The following SPOCK3 variants were observed in gnomAD, a reference collection of about 807,000 sequenced individuals.
The protein encoded by SPOCK3 is testican-3.
SPOCK3 carries 30 observed loss-of-function variants against 56.6 expected under a neutral mutation model. That is an observed-to-expected ratio of 0.53 (90% CI 0.40 to 0.72). SPOCK3 has a LOEUF of 0.72. Among genes scored for constraint, SPOCK3 ranks in the 30% least tolerant of loss-of-function variants. SPOCK3 has a pLI of 0.00. For missense variants in SPOCK3, 527 were observed against 530.0 expected, an observed-to-expected ratio of 0.99 and a Z score of 0.06; for synonymous variants, 196 against 183.3, an observed-to-expected ratio of 1.07 and a Z score of -0.56.
At chr4:167,178,618 CA>C (rs1433791956) in intron 2 of SPOCK3, among the ~76,000 whole-genome samples, 1 of 152,030 alleles carries the variant, frequency 6.6e-6, no homozygotes, top group Non-Finnish European at 1.5e-5. Context: ...ATCCTATAGA[CA>C]TTTTTAACAT....
intron 6 of SPOCK3, among the ~76,000 whole-genome samples, chr4:166,869,049 T>C (rs950350451): frequency 6.6e-6 from 1 of 152,124 alleles, no homozygotes; most frequent in Non-Finnish European, 1.5e-5. Flanking sequence ...GTTGGTGTTT[T>C]CATTAATTAT....
intron 2 of SPOCK3, among the ~76,000 whole-genome samples, chr4:167,209,406 TA>T (rs1249282470): frequency 6.6e-6 from 1 of 152,120 alleles, no homozygotes; most frequent in African/African-American, 2.4e-5. Context: ...AAATTTTAAA[TA>T]AAAATGATAT....
intron 2 of SPOCK3, among the ~76,000 whole-genome samples, chr4:167,202,405 T>C (rs1237061238): frequency 6.6e-6 from 1 of 151,952 alleles, no homozygotes; most frequent in African/African-American, 2.4e-5. Context: ...ACATGACAGT[T>C]TATGCAAAGT....
intron 6 of SPOCK3, among the ~76,000 whole-genome samples, chr4:166,816,884 G>A (rs1015621): frequency 0.058 from 8,889 of 152,012 alleles, 799 homozygotes; most frequent in African/African-American, 0.2. Flanking sequence ...CAGTGCAATG[G>A]GAGGGGTTTG....
At chr4:166,876,954 G>A (rs1395475307) in intron 6 of SPOCK3, among the ~76,000 whole-genome samples, 1 of 151,874 alleles carries the variant, frequency 6.6e-6, no homozygotes, top group Non-Finnish European at 1.5e-5. Context: ...GGGAAGTTTG[G>A]GGTAGAGAAA....
intron 7 of SPOCK3, among the ~76,000 whole-genome samples, chr4:166,772,140 G>C (rs912900365): frequency 2.0e-5 from 3 of 151,912 alleles, no homozygotes; most frequent in Non-Finnish European, 4.4e-5. Context: ...GCTATATAAG[G>C]AAAGTTAAAC....
At chr4:166,959,344 G>T (rs1171847671) in intron 4 of SPOCK3, among the ~76,000 whole-genome samples, 3 of 152,162 alleles carry the variant, frequency 2.0e-5, no homozygotes, top group Non-Finnish European at 2.9e-5. Context: ...GCCAGGCGTG[G>T]TGGCTCATGC....
At chr4:166,735,926 T>C (rs533166926) in intron 10 of SPOCK3, among the ~76,000 whole-genome samples, 1 of 134,178 alleles carries the variant, frequency 7.5e-6, no homozygotes, top group East Asian at 2.2e-4. Context: ...TTACAAAATA[T>C]TTTAAAAATA....
At chr4:167,055,657 A>T (rs1343725744) in intron 3 of SPOCK3, among the ~76,000 whole-genome samples, 1 of 152,198 alleles carries the variant, frequency 6.6e-6, no homozygotes, top group Non-Finnish European at 1.5e-5. Context: ...TATATCCCGC[A>T]CCTGGCTCAG....
chr4:167,142,049 T>A (rs1030164728), intron 2 of SPOCK3, among the ~76,000 whole-genome samples: 2 of 151,912 alleles, frequency 1.3e-5, no homozygotes, highest in Admixed American at 1.3e-4. Context: ...CAATTTAGAG[T>A]TTTTTACCCT....
intron 2 of SPOCK3, among the ~76,000 whole-genome samples, chr4:167,137,929 T>A (rs1412597457): frequency 6.6e-6 from 1 of 151,862 alleles, no homozygotes; most frequent in Non-Finnish European, 1.5e-5. Context: ...CCTTCTCTAT[T>A]AGGAGTAATA....
intron 7 of SPOCK3, among the ~76,000 whole-genome samples, chr4:166,789,982 T>C (rs1471878846): frequency 6.6e-6 from 1 of 152,182 alleles, no homozygotes; most frequent in East Asian, 1.9e-4. Context: ...ACTACAGTAA[T>C]AACTGTCATG....
At chr4:166,948,438 A>T (rs10005146) in intron 4 of SPOCK3, among the ~76,000 whole-genome samples, 7,833 of 152,180 alleles carry the variant, frequency 0.051, 658 homozygotes, top group African/African-American at 0.18. Flanking sequence ...GAATCTCCAC[A>T]CTATTTTTCC....
At chr4:167,079,079 A>C (rs528088475) in intron 2 of SPOCK3, among the ~76,000 whole-genome samples, 2 of 152,076 alleles carry the variant, frequency 1.3e-5, no homozygotes, top group South Asian at 2.1e-4. Flanking sequence ...CAAATGAAAA[A>C]AAAAAAGTCT....
chr4:166,989,178 T>A (rs923040027), intron 4 of SPOCK3, among the ~76,000 whole-genome samples: 1 of 152,078 alleles, frequency 6.6e-6, no homozygotes, highest in African/African-American at 2.4e-5. Context: ...GCTAACACAG[T>A]TAGTTGCCTG....
intron 4 of SPOCK3, among the ~76,000 whole-genome samples, chr4:166,949,454 T>C (rs1160317132): frequency 1.3e-5 from 2 of 152,150 alleles, no homozygotes; most frequent in African/African-American, 2.4e-5. Flanking sequence ...CTCTGTTTTT[T>C]CCCCATCTTT....
chr4:166,993,647 C>T lies in SPOCK3; in HGVS notation c.350+6702G>A, dbSNP rs545691537. 2.0e-4 allele frequency among the ~76,000 whole-genome samples: 31 copies of T among 152,224 alleles called. 1 individual carries two copies. The highest frequency in any genetic ancestry group is 3.4e-3 in the Middle Eastern group (1 of 294). ...TAAATTTCATATCCTATGATCATGA[C>T]AGGAGTAAATCAATTTTCTCAACTA... On this transcript the variant is annotated intron_variant, in intron 4 of 10. Coordinates refer to ENST00000357545, the MANE Select transcript of SPOCK3 (RefSeq NM_001040159.2).
chr4:166,735,419 A>T (rs1451265652), intron 10 of SPOCK3, among the ~76,000 whole-genome samples: 1 of 152,092 alleles, frequency 6.6e-6, no homozygotes, highest in Non-Finnish European at 1.5e-5. Context: ...TTCTTCTACA[A>T]GTGTGGCAGA....
intron 8 of SPOCK3, among the ~76,000 whole-genome samples, chr4:166,745,251 A>G (rs1396467087): frequency 7.3e-6 from 1 of 137,162 alleles, no homozygotes; most frequent in Non-Finnish European, 1.6e-5. Context: ...AGGTCGGGTT[A>G]CCCACAAAGG....
Sources: allele counts gnomAD v4.1 joint callset (sites outside exome capture counted in the v4.1 genomes callset), GRCh38; gene constraint gnomAD v4.1.1; transcripts MANE v1.5; gene names NCBI Gene and HGNC (gene_info 2026-07-23, HGNC 2026-07-21).